SH2B3: variants seen among roughly 807,000 people sequenced by gnomAD.
SH2B3 encodes SH2B adapter protein 3.
Under a neutral mutation model 51.9 loss-of-function variants are expected in SH2B3, and 43 were observed. The observed-to-expected ratio is 0.83, with a 90% CI of 0.65 to 1.07. SH2B3 has a LOEUF of 1.07. Ranked by LOEUF, SH2B3 falls within the 50% of genes least tolerant of loss-of-function variation. SH2B3 has a pLI of 0.00. For synonymous variants in SH2B3, 396 were observed against 376.0 expected, an observed-to-expected ratio of 1.05 and a Z score of -0.62; for missense variants, 952 against 834.3, an observed-to-expected ratio of 1.14 and a Z score of -1.74.
At chr12:111,439,235 T>C (rs1034758034) in intron 2 of SH2B3, among the ~76,000 whole-genome samples, 5 of 151,548 alleles carry the variant, frequency 3.3e-5, no homozygotes, top group African/African-American at 9.7e-5. Flanking sequence ...CCACAACCTC[T>C]GCCTCCTGGG....
chr12:111,442,906 C>T (rs1451322089), intron 2 of SH2B3, among the ~76,000 whole-genome samples: 1 of 152,218 alleles, frequency 6.6e-6, no homozygotes. Flanking sequence ...CCTGTCTCTG[C>T]TGGATGCCTG....
intron 2 of SH2B3, among the ~76,000 whole-genome samples, chr12:111,428,317 C>A (rs1872171926): frequency 6.6e-6 from 1 of 152,174 alleles, no homozygotes; most frequent in African/African-American, 2.4e-5. Context: ...CAGCCCTGAG[C>A]CCCCCGCTGC....
intron 2 of SH2B3, among the ~76,000 whole-genome samples, chr12:111,420,839 T>A (rs138034691): frequency 8.5e-5 from 13 of 152,318 alleles, no homozygotes; most frequent in African/African-American, 2.9e-4. Flanking sequence ...TCTGGGAGGA[T>A]AACTGAGGGG....
chr12:111,411,763 G>C (rs1870719678), intron 1 of SH2B3, among the ~76,000 whole-genome samples: 1 of 152,194 alleles, frequency 6.6e-6, no homozygotes, highest in Non-Finnish European at 1.5e-5. Flanking sequence ...TGGGCGTGCA[G>C]CTAGCTGCCT....
chr12:111,447,536 A>T lies in SH2B3; in HGVS notation c.1228A>T (p.Ile410Leu). 1 of 904,100 alleles carries T rather than the reference A, an allele frequency of 1.1e-6. No homozygotes were observed. The highest frequency in any genetic ancestry group is 1.3e-5 in the South Asian group (1 of 75,736). The allele number at this position is 904,100 out of a possible 1,614,324, so 56.0% of individuals were successfully genotyped here. Residue 410 changes from isoleucine to leucine, a missense_variant, in exon 6 of 8, where the codon ATA becomes TTA. Transcript: ENST00000341259. The stretch of plus-strand genomic sequence containing the variant: ...CGTGCTCACTTTCAACTTTCAGGGG[A>T]TAGCCAAGGTATGGGGTGGGGTGGG... ...EYVLTFNFQG[I>L]AKHLRLSLTE...
At chr12:111,419,612 T>A (rs1369271112) in intron 2 of SH2B3, among the ~76,000 whole-genome samples, 1 of 151,296 alleles carries the variant, frequency 6.6e-6, no homozygotes, top group African/African-American at 2.4e-5. Flanking sequence ...ATTCCAGCCT[T>A]GGTGACAGAG....
chr12:111,434,000 G>C (rs773936206), intron 2 of SH2B3, among the ~76,000 whole-genome samples: 1 of 152,054 alleles, frequency 6.6e-6, no homozygotes, highest in Non-Finnish European at 1.5e-5. Context: ...TTATTCTTTT[G>C]ATACATTATT....
rs1425823159 is a variant in SH2B3 at position 111,429,164 on chromosome 12, C to A, written c.732+10287C>A. 6.6e-6 allele frequency among the ~76,000 whole-genome samples: 1 copy of A among 152,094 alleles called. No individual in the cohort carries two copies. The highest frequency in any genetic ancestry group is 1.5e-5 in the Non-Finnish European group (1 of 67,994). ...GACCCGGGGGAAGGCACTTTGCCCT[C>A]CCTGTGCCTCAGTTTACTCAAGTAA... On this transcript the variant is annotated intron_variant, in intron 2 of 7. Coordinates refer to ENST00000341259, the MANE Select transcript of SH2B3 (RefSeq NM_005475.3). The surrounding 1 kb of genome is among the most constrained non-coding windows in gnomAD (Gnocchi z 4.4).
upstream of SH2B3, among the ~76,000 whole-genome samples, chr12:111,405,308 A>C (rs1313524137): frequency 2.6e-5 from 4 of 151,900 alleles, no homozygotes; most frequent in Admixed American, 2.6e-4. This position sits in a 1 kb window ranked among gnomAD's most constrained non-coding sequence, Gnocchi z 5.4. Context: ...TGGGGCCAGA[A>C]CCCAAATCGG....
At chr12:111,421,401 C>CTTTTTTT (rs550860498) in intron 2 of SH2B3, among the ~76,000 whole-genome samples, 2 of 90,618 alleles carry the variant, frequency 2.2e-5, no homozygotes, top group African/African-American at 1.1e-4. Context: ...TAGTGTCTTC[C>CTTTTTTT]TTTTTTTTTT....
At chr12:111,424,680 G>A (rs1051671528) in intron 2 of SH2B3, among the ~76,000 whole-genome samples, 10 of 152,178 alleles carry the variant, frequency 6.6e-5, no homozygotes, top group Admixed American at 2.6e-4. Context: ...CTAGCCCCTC[G>A]GAGCATCAGG....
intron 2 of SH2B3, among the ~76,000 whole-genome samples, chr12:111,425,220 G>C (rs987285891): frequency 2.6e-5 from 4 of 152,120 alleles, no homozygotes; most frequent in Non-Finnish European, 5.9e-5. Context: ...CTGTGACTGG[G>C]GGTGTGCAAG....
In SH2B3 at chr12:111,407,507, T is replaced by C. The variant is rs1385200986; in HGVS notation, c.-28+1230T>C. On this transcript the variant is annotated intron_variant, in intron 1 of 7. Coordinates refer to ENST00000341259, the MANE Select transcript of SH2B3 (RefSeq NM_005475.3). The surrounding 1 kb of genome is among the most constrained non-coding windows in gnomAD (Gnocchi z 4.3). ...GTTTCCCATCACTGACCTGGCTGCC[T>C]GAGTGGAAACAGCTCTGGAGGCTCC... 1.3e-5 allele frequency among the ~76,000 whole-genome samples: 2 copies of C among 152,166 alleles called. No individual in the cohort carries two copies. The highest frequency in any genetic ancestry group is 2.9e-5 in the Non-Finnish European group (2 of 68,020).
rs57194285 is a variant in SH2B3, at chr12:111,427,635, C to G, written c.732+8758C>G. Among the ~76,000 whole-genome samples, 1,462 of 152,286 alleles carry G rather than the reference C, an allele frequency of 9.6e-3. 24 individuals are homozygous for G. The highest frequency in any genetic ancestry group is 0.034 in the African/African-American group (1,406 of 41,544). ...GCTCCCATTTCAAATGGAGCATGCC[C>G]AGCCTGCCGGGCCTCAGTTTCCACA... On this transcript the variant is annotated intron_variant, in intron 2 of 7. Transcript: ENST00000341259.
intron 1 of SH2B3, among the ~76,000 whole-genome samples, chr12:111,415,914 C>G (rs1166857591): frequency 6.6e-6 from 1 of 150,876 alleles, no homozygotes; most frequent in African/African-American, 2.4e-5. Flanking sequence ...GAGCAGCTGC[C>G]CCCGGCCCAT....
intron 7 of SH2B3, 61 bp from the exon 8 acceptor site, chr12:111,447,922 G>T: frequency 6.4e-7 from 1 of 1,553,686 alleles, no homozygotes. Flanking sequence ...ATCTTGTTCT[G>T]TGTCCTGTCA....
In SH2B3 at chr12:111,451,564, C is replaced by A. The variant is rs553830246; in HGVS notation, c.*3262C>A. 6 of 152,714 alleles carry A rather than the reference C, an allele frequency of 3.9e-5. No homozygotes were observed. The highest frequency in any genetic ancestry group is 1.4e-4 in the African/African-American group (6 of 41,558). The allele number at this position is 152,714 out of a possible 1,614,324, so 9.5% of individuals were successfully genotyped here. On this transcript the variant is annotated 3_prime_UTR_variant, in exon 8 of 8. Coordinates refer to ENST00000341259, the MANE Select transcript of SH2B3 (RefSeq NM_005475.3). ...ACAAGTAACTTATTCTTGAATAATG[C>A]AAATTTTGCTATAATGTACAAATTG...
rs2077163363 is a variant in SH2B3 at position 111,449,256 on chromosome 12, A to C, written c.*954A>C. 1 of 152,456 alleles carries C rather than the reference A, an allele frequency of 6.6e-6. No individual in the cohort carries two copies. Among genetic ancestry groups the C allele is most frequent in the African/African-American group, 2.4e-5 (1 of 41,456 alleles). The allele number at this position is 152,456 out of a possible 1,614,324, so 9.4% of individuals were successfully genotyped here. On this transcript the variant is annotated 3_prime_UTR_variant, in exon 8 of 8. Transcript: ENST00000341259. ...AACTGGGGCTAGGGGAAGAGCAAGC[A>C]AAAAGGGAAGAAGGACTCCTAGGCC...
intron 2 of SH2B3, among the ~76,000 whole-genome samples, chr12:111,425,059 A>T (rs1871882029): frequency 6.6e-6 from 1 of 151,976 alleles, no homozygotes; most frequent in African/African-American, 2.4e-5. Context: ...CAGAAGTCTG[A>T]GGCCAGGTGG....
Sources: allele counts gnomAD v4.1 joint callset (sites outside exome capture counted in the v4.1 genomes callset), GRCh38; gene constraint gnomAD v4.1.1; non-coding constraint Gnocchi (gnomAD v3.1); transcripts MANE v1.5; gene names NCBI Gene and HGNC (gene_info 2026-07-23, HGNC 2026-07-21).